The following NXPH2 variants were observed in gnomAD, a reference collection of about 807,000 sequenced individuals.
NXPH2 encodes neurexophilin 2.
In NXPH2, 5 loss-of-function variants were observed where a neutral mutation model predicts 19.8. The observed-to-expected ratio is 0.25, with a 90% confidence interval of 0.13 to 0.53. The LOEUF is 0.53. Among genes scored for constraint, NXPH2 ranks in the 20% least tolerant of loss-of-function variants. The pLI, the probability that NXPH2 is intolerant of heterozygous loss-of-function variation, is 0.96. For missense variants in NXPH2, 289 were observed against 322.8 expected (o/e 0.90, Z 0.80); for synonymous variants, 154 against 127.4 (o/e 1.21, Z -1.41).
chr2:138,745,043 A>T (rs1411726840), intron 1 of NXPH2, among the ~76,000 whole-genome samples: 1 of 152,170 alleles, frequency 6.6e-6, no homozygotes, highest in Non-Finnish European at 1.5e-5. Context: ...GCAATGATGA[A>T]AACACGACCT....
intron 1 of NXPH2, among the ~76,000 whole-genome samples, chr2:138,695,573 A>G (rs544505315): frequency 6.6e-6 from 1 of 152,264 alleles, no homozygotes; most frequent in South Asian, 2.1e-4. Context: ...TGAGGTAAAA[A>G]TGATTTTTAT....
intron 1 of NXPH2, among the ~76,000 whole-genome samples, chr2:138,773,042 T>C (rs1005982452): frequency 2.0e-5 from 3 of 152,248 alleles, no homozygotes; most frequent in African/African-American, 7.2e-5. Context: ...AAAAATGGGA[T>C]GGTGGTGACT....
chr2:138,714,875 T>C (rs998503426), intron 1 of NXPH2, among the ~76,000 whole-genome samples: 11 of 152,246 alleles, frequency 7.2e-5, no homozygotes, highest in Admixed American at 2.0e-4. Flanking sequence ...TATGTGTATA[T>C]GTATTTTCCA....
intron 1 of NXPH2, among the ~76,000 whole-genome samples, chr2:138,687,832 A>G (rs1286178487): frequency 6.6e-6 from 1 of 152,176 alleles, no homozygotes. Context: ...CAGGTTTGTC[A>G]AAGATCAGAT....
chr2:138,717,777 T>TCC (rs1380799437), intron 1 of NXPH2, among the ~76,000 whole-genome samples: 1 of 152,146 alleles, frequency 6.6e-6, no homozygotes, highest in Non-Finnish European at 1.5e-5. Context: ...AATAGAAATG[T>TCC]GAGGAATCAA....
At chr2:138,742,522 T>C (rs1166733246) in intron 1 of NXPH2, among the ~76,000 whole-genome samples, 1 of 152,198 alleles carries the variant, frequency 6.6e-6, no homozygotes, top group East Asian at 1.9e-4. Context: ...GGAATGTTCA[T>C]TTCAAAAACC....
chr2:138,725,764 T>G (rs908038096), intron 1 of NXPH2, among the ~76,000 whole-genome samples: 2 of 152,184 alleles, frequency 1.3e-5, no homozygotes, highest in African/African-American at 4.8e-5. Flanking sequence ...GATCAGTGGC[T>G]TTCTCTGACA....
At chr2:138,749,890 G>A (rs116063289) in intron 1 of NXPH2, among the ~76,000 whole-genome samples, 2,411 of 152,122 alleles carry the variant, frequency 0.016, 58 homozygotes, top group African/African-American at 0.053. Context: ...AGAGTGTGTC[G>A]CTTATTTAAA....
intron 1 of NXPH2, among the ~76,000 whole-genome samples, chr2:138,728,722 T>A (rs1323818639): frequency 6.6e-6 from 1 of 152,232 alleles, no homozygotes; most frequent in African/African-American, 2.4e-5. Flanking sequence ...ATTTATTCTC[T>A]GATAAAAAGT....
chr2:138,674,079 G>A (rs990287885), intron 1 of NXPH2, among the ~76,000 whole-genome samples: 2 of 152,102 alleles, frequency 1.3e-5, no homozygotes, highest in African/African-American at 4.8e-5. Context: ...CTGGGCTCAA[G>A]TGATTCTCCC....
At chr2:138,739,638 G>A (rs1295130193) in intron 1 of NXPH2, among the ~76,000 whole-genome samples, 2 of 152,134 alleles carry the variant, frequency 1.3e-5, no homozygotes, top group Non-Finnish European at 2.9e-5. Context: ...TAGATGCCAG[G>A]TTGAGGACGT....
chr2:138,758,950 G>T (rs1681958104), intron 1 of NXPH2, among the ~76,000 whole-genome samples: 1 of 152,124 alleles, frequency 6.6e-6, no homozygotes, highest in South Asian at 2.1e-4. Flanking sequence ...TATCATCTCA[G>T]GTCCTGAGGC....
At chr2:138,692,990 AT>A (rs1340897108) in intron 1 of NXPH2, among the ~76,000 whole-genome samples, 1 of 152,170 alleles carries the variant, frequency 6.6e-6, no homozygotes, top group Non-Finnish European at 1.5e-5. Flanking sequence ...TTTCATGCAT[AT>A]TTTTTAAAAG....
chr2:138,738,248 T>C (rs532889585), intron 1 of NXPH2, among the ~76,000 whole-genome samples: 12 of 152,332 alleles, frequency 7.9e-5, no homozygotes, highest in Non-Finnish European at 1.3e-4. Context: ...TATTACTTTC[T>C]AAAATTTATT....
chr2:138,768,385 A>G (rs538820476), intron 1 of NXPH2, among the ~76,000 whole-genome samples: 3 of 152,274 alleles, frequency 2.0e-5, no homozygotes, highest in South Asian at 4.1e-4. Context: ...GCTAACCACA[A>G]GTTTTCTAAG....
At chr2:138,762,866 A>G (rs1336417691) in intron 1 of NXPH2, among the ~76,000 whole-genome samples, 1 of 152,226 alleles carries the variant, frequency 6.6e-6, no homozygotes, top group Non-Finnish European at 1.5e-5. Context: ...GAGCTATTCC[A>G]TACAGACCAA....
intron 1 of NXPH2, among the ~76,000 whole-genome samples, chr2:138,714,418 A>G (rs1382586971): frequency 6.6e-6 from 1 of 152,200 alleles, no homozygotes; most frequent in Non-Finnish European, 1.5e-5. Flanking sequence ...TATCCTGAAT[A>G]TCTCTGAATT....
At chr2:138,740,634 T>C (rs1681628039) in intron 1 of NXPH2, among the ~76,000 whole-genome samples, 1 of 152,184 alleles carries the variant, frequency 6.6e-6, no homozygotes, top group South Asian at 2.1e-4. Context: ...GAGGATGCCA[T>C]ATGCTACAAC....
chr2:138,780,045 G>T (rs1682326541), intron 1 of NXPH2, 146 bp downstream of exon 1: 5 of 719,552 alleles, frequency 6.9e-6, no homozygotes, highest in Non-Finnish European at 1.0e-5. Context: ...CGACCTCTAA[G>T]GCAACCCAAA....
Sources: allele counts gnomAD v4.1 joint callset (sites outside exome capture counted in the v4.1 genomes callset), GRCh38; gene constraint gnomAD v4.1.1; transcripts MANE v1.5; gene names NCBI Gene and HGNC (gene_info 2026-07-23, HGNC 2026-07-21).